The following KCNU1 variants were observed in gnomAD, a reference collection of about 807,000 sequenced individuals.
KCNU1 encodes the protein potassium channel subfamily U member 1.
A neutral mutation model predicts 126.8 loss-of-function variants in KCNU1; 93 were observed. That is an observed-to-expected ratio of 0.73 (90% confidence interval 0.62 to 0.87). The LOEUF (loss-of-function observed/expected upper bound fraction) is 0.87. Ranked by LOEUF, KCNU1 falls within the 40% of genes least tolerant of loss-of-function variation. KCNU1 has a pLI of 0.00. For missense variants in KCNU1, 1,330 were observed against 1,367.1 expected, an observed-to-expected ratio of 0.97 and a Z score of 0.43; for synonymous variants, 523 against 494.2, an observed-to-expected ratio of 1.06 and a Z score of -0.77.
At chr8:36,853,885 A>G (rs1805439370) in intron 18 of KCNU1, among the ~76,000 whole-genome samples, 1 of 152,142 alleles carries the variant, frequency 6.6e-6, no homozygotes, top group South Asian at 2.1e-4. Flanking sequence ...GAATCCCGTT[A>G]GTATTTATTG....
In KCNU1 at chr8:36,813,066, T is replaced by A. The variant is rs891909988; in HGVS notation, c.733-1141T>A. Among the ~76,000 whole-genome samples the A allele has an allele frequency of 1.1e-4, 17 of 152,318 alleles. No individual in the cohort carries two copies. The East Asian group carries it at 2.7e-3, about 24-fold the overall frequency. ...GTGTGACTTAAATTTGGTTTTCTTG[T>A]AATGTATGTCTTGGAAAACAGTGAA... On this transcript the variant is annotated intron_variant, in intron 7 of 26. Coordinates refer to ENST00000399881, the MANE Select transcript of KCNU1 (RefSeq NM_001031836.3).
At chr8:36,799,464 G>C (rs1039500625) in intron 2 of KCNU1, among the ~76,000 whole-genome samples, 1 of 150,520 alleles carries the variant, frequency 6.6e-6, no homozygotes, top group Non-Finnish European at 1.5e-5. Context: ...TGGGAGGGGG[G>C]GCAGGGTAGA....
At chr8:36,897,696 C>T (rs1000112739) in intron 19 of KCNU1, among the ~76,000 whole-genome samples, 18 of 152,042 alleles carry the variant, frequency 1.2e-4, no homozygotes, top group African/African-American at 4.3e-4. Context: ...TCACCCTGCA[C>T]TTCTACGGCC....
intron 25 of KCNU1, 60 bp from the exon 26 acceptor site, chr8:36,932,860 T>C (rs942664451): frequency 2.2e-6 from 2 of 924,994 alleles, no homozygotes; most frequent in Non-Finnish European, 3.5e-6. Flanking sequence ...CTCCAGTGAG[T>C]GCTTATAATT....
At chr8:36,787,048 C>T (rs958775156) in intron 1 of KCNU1, among the ~76,000 whole-genome samples, 3 of 151,998 alleles carry the variant, frequency 2.0e-5, no homozygotes, top group East Asian at 1.9e-4. Context: ...GGTCTGGGAC[C>T]GGGTATACAT....
intron 7 of KCNU1, among the ~76,000 whole-genome samples, chr8:36,812,803 T>G (rs766677498): frequency 1.3e-5 from 2 of 152,160 alleles, no homozygotes; most frequent in Non-Finnish European, 2.9e-5. Context: ...AAAGAGATAC[T>G]GAGAAAGTGG....
rs115257465 is a variant in KCNU1, at chr8:36,918,756, T to G, written c.2522-67T>G. ...TAAAGCACCAAGTTACATTATATTC[T>G]TCTACATTTTTGACAAGTTTTGTAA... is the stretch of plus-strand genomic sequence containing the variant. On this transcript the variant is annotated intron_variant, in intron 22 of 26. Coordinates refer to ENST00000399881, the MANE Select transcript of KCNU1 (RefSeq NM_001031836.3). The G allele has an allele frequency of 4.5e-3, 4,199 of 936,200 alleles. 101 individuals are homozygous for G. The African/African-American group carries it at 0.059, about 13-fold the overall frequency. The allele number at this position is 936,200 out of a possible 1,614,324, so 58.0% of individuals were successfully genotyped here.
chr8:36,855,775 T>A (rs1805507254), intron 18 of KCNU1, among the ~76,000 whole-genome samples: 1 of 152,140 alleles, frequency 6.6e-6, no homozygotes. Context: ...ATTTTTTTTC[T>A]GGTATCTTGT....
At chr8:36,856,912 C>T (rs1411634568) in intron 18 of KCNU1, among the ~76,000 whole-genome samples, 1 of 152,180 alleles carries the variant, frequency 6.6e-6, no homozygotes, top group Non-Finnish European at 1.5e-5. Flanking sequence ...TGTTTACCAC[C>T]AAAATCACTG....
At chr8:36,876,157 A>C (rs1176749045) in intron 19 of KCNU1, among the ~76,000 whole-genome samples, 2 of 152,118 alleles carry the variant, frequency 1.3e-5, no homozygotes, top group Non-Finnish European at 2.9e-5. Flanking sequence ...ACTCAAACTA[A>C]TCGATTTCCA....
chr8:36,925,535 T>C (rs1466929982), intron 24 of KCNU1, among the ~76,000 whole-genome samples: 2 of 152,290 alleles, frequency 1.3e-5, no homozygotes, highest in East Asian at 3.9e-4. Context: ...ATAATTTTTG[T>C]TTTCCTTCTC....
At chr8:36,803,965 T>G in intron 2 of KCNU1, 62 bp from the exon 3 acceptor site, 1 of 1,109,164 alleles carries the variant, frequency 9.0e-7, no homozygotes, top group South Asian at 1.3e-5. Flanking sequence ...AACACACTTT[T>G]GTCGATTTAT....
At chr8:36,845,338 C>T (rs1003182761) in intron 16 of KCNU1, among the ~76,000 whole-genome samples, 3 of 152,178 alleles carry the variant, frequency 2.0e-5, no homozygotes, top group Non-Finnish European at 2.9e-5. Flanking sequence ...GCCGCAGGTC[C>T]GCTGTGTGTT....
intron 16 of KCNU1, among the ~76,000 whole-genome samples, chr8:36,841,657 C>T (rs1052637551): frequency 8.5e-5 from 13 of 152,134 alleles, no homozygotes; most frequent in African/African-American, 3.1e-4. Context: ...GTTCACACCA[C>T]TGCACTTCAG....
At chr8:36,905,442 G>A (rs1287201579) in intron 19 of KCNU1, among the ~76,000 whole-genome samples, 1 of 142,620 alleles carries the variant, frequency 7.0e-6, no homozygotes, top group Non-Finnish European at 1.5e-5. Flanking sequence ...CTATCTTCAA[G>A]GTACATATAA....
chr8:36,857,097 G>A (rs1805553161), intron 18 of KCNU1, among the ~76,000 whole-genome samples: 1 of 152,186 alleles, frequency 6.6e-6, no homozygotes, highest in Non-Finnish European at 1.5e-5. Context: ...TGGAAAAGAA[G>A]ACCTCCTCTG....
intron 2 of KCNU1, among the ~76,000 whole-genome samples, chr8:36,792,833 G>A (rs1715053595): frequency 6.6e-6 from 1 of 152,044 alleles, no homozygotes; most frequent in South Asian, 2.1e-4. Context: ...CATATAATAA[G>A]TATATATAGG....
At chr8:36,927,061 C>T (rs933533457) in intron 24 of KCNU1, among the ~76,000 whole-genome samples, 7 of 152,092 alleles carry the variant, frequency 4.6e-5, no homozygotes, top group African/African-American at 1.2e-4. Context: ...CTCTCTCCAC[C>T]GCCCCTAATA....
chr8:36,854,501 G>C (rs186623854), intron 18 of KCNU1, among the ~76,000 whole-genome samples: 194 of 129,186 alleles, frequency 1.5e-3, no homozygotes, highest in Non-Finnish European at 2.5e-3. Flanking sequence ...GCTCAAGTCT[G>C]ATCTTTAGTT....
Sources: gnomAD v4.1 joint callset for allele counts (sites outside exome capture counted in the v4.1 genomes callset) on GRCh38, gnomAD v4.1.1 for gene constraint, MANE v1.5 for transcripts, NCBI Gene and HGNC (gene_info 2026-07-23, HGNC 2026-07-21) for gene names.